Variants in PDE2A observed in about 807,000 individuals in gnomAD.
PDE2A encodes phosphodiesterase 2A.
In PDE2A, 53 loss-of-function variants were observed where a neutral mutation model predicts 133.6. The observed-to-expected ratio is 0.40, with a 90% CI of 0.32 to 0.50. PDE2A has a LOEUF of 0.50. PDE2A is among the 20% of genes least tolerant of loss of function. The pLI is 0.73. For synonymous variants in PDE2A, 491 were observed against 490.2 expected (o/e 1.00, Z -0.02); for missense variants, 796 against 1,232.4 (o/e 0.65, Z 5.30).
chr11:72,642,415 C>A (rs1858997786), intron 1 of PDE2A, 89 bp from the exon 2 acceptor site: 9 of 1,262,760 alleles, frequency 7.1e-6, no homozygotes, highest in Non-Finnish European at 9.1e-6. Flanking sequence ...CCGGCCGCTG[C>A]GCTCGGTCAG....
At chr11:72,585,664 C>A (rs1855935851) in intron 14 of PDE2A, 71 bp from the exon 15 acceptor site, 1 of 1,346,260 alleles carries the variant, frequency 7.4e-7, no homozygotes, top group Non-Finnish European at 1.0e-6. Context: ...CTCCTGCCTC[C>A]AACAGCACCC....
In PDE2A at chr11:72,596,646, G is replaced by A; in HGVS notation, c.436C>T (p.Leu146=). ...VAPLAPDTQV[L]VMPLADKEAG... ...TCCTTGTCCGCTAGCGGCATGACCA[G>A]CACTGAGGGGGAGAGGGCAATGAGG... The change falls in exon 6 of 31, where the codon CTG becomes TTG. Residue 146 remains leucine, a splice_region_variant and synonymous_variant. Transcript: ENST00000334456. 6.7e-7 allele frequency: 1 copy of A among 1,481,548 alleles called. No individual in the cohort carries two copies. Among genetic ancestry groups the A allele is most frequent in the Non-Finnish European group, 9.0e-7 (1 of 1,107,168 alleles). 91.8% of individuals were successfully genotyped at this position (1,481,548 alleles called of 1,614,324 possible). A position where few individuals can be genotyped will look rare whatever the true frequency, so the allele number is the denominator to read the frequency against.
intron 2 of PDE2A, among the ~76,000 whole-genome samples, chr11:72,623,997 CTT>C (rs71062781): frequency 5.7e-5 from 8 of 141,524 alleles, no homozygotes; most frequent in African/African-American, 1.6e-4. Context: ...CAATCTTTTT[CTT>C]TTTTTTTTTT....
intron 4 of PDE2A, chr11:72,598,929 T>C: frequency 2.0e-6 from 2 of 985,340 alleles, no homozygotes; most frequent in South Asian, 4.7e-5. Context: ...GCTGTCCACA[T>C]TGCCAGTCAC....
chr11:72,672,397 T>G (rs1454709259), intron 1 of PDE2A, among the ~76,000 whole-genome samples: 1 of 152,114 alleles, frequency 6.6e-6, no homozygotes, highest in African/African-American at 2.4e-5. Context: ...TGTTGGCCAG[T>G]CTCGTCTCAA....
At chr11:72,651,697 T>C (rs1310586834) in intron 1 of PDE2A, among the ~76,000 whole-genome samples, 2 of 152,224 alleles carry the variant, frequency 1.3e-5, no homozygotes, top group African/African-American at 4.8e-5. Flanking sequence ...AGGATGTTGC[T>C]TGTTGTCCTT....
intron 2 of PDE2A, among the ~76,000 whole-genome samples, chr11:72,616,300 C>T (rs1359017780): frequency 6.6e-6 from 1 of 152,182 alleles, no homozygotes; most frequent in African/African-American, 2.4e-5. Context: ...TCTGACCCTC[C>T]CACCTGGGGC....
intron 2 of PDE2A, chr11:72,621,923 A>T (rs1028690913): frequency 6.6e-6 from 1 of 152,246 alleles, no homozygotes; most frequent in Non-Finnish European, 1.5e-5. Context: ...ATGGGAGAAA[A>T]ATATTTGCAA....
At chr11:72,638,176 G>A (rs1361825470) in intron 2 of PDE2A, among the ~76,000 whole-genome samples, 1 of 152,292 alleles carries the variant, frequency 6.6e-6, no homozygotes, top group Non-Finnish European at 1.5e-5. Context: ...CACCAGCCGC[G>A]CCACCCTGCT....
intron 2 of PDE2A, among the ~76,000 whole-genome samples, chr11:72,632,399 G>A (rs903018658): frequency 6.6e-6 from 1 of 152,278 alleles, no homozygotes; most frequent in South Asian, 2.1e-4. Flanking sequence ...GGGTCTGTGT[G>A]TGGTGTGATG....
intron 1 of PDE2A, among the ~76,000 whole-genome samples, chr11:72,660,348 G>A (rs74716455): frequency 0.053 from 8,057 of 152,200 alleles, 721 homozygotes; most frequent in African/African-American, 0.18. Context: ...AAGGAGGGGC[G>A]GGTCACAGAG....
At chr11:72,646,500 A>G (rs1859130986) in intron 1 of PDE2A, among the ~76,000 whole-genome samples, 1 of 152,124 alleles carries the variant, frequency 6.6e-6, no homozygotes, top group East Asian at 1.9e-4. Flanking sequence ...TAGACTCCAA[A>G]CCCAGTGCTC....
chr11:72,580,097 C>T (rs1008292871), intron 25 of PDE2A, among the ~76,000 whole-genome samples: 5 of 152,032 alleles, frequency 3.3e-5, no homozygotes, highest in African/African-American at 1.2e-4. Flanking sequence ...CAGAGAACCT[C>T]GTCTCTGGGG....
In PDE2A at chr11:72,596,604, C is replaced by A; in HGVS notation, c.478G>T (p.Ala160Ser). Reference sequence around the variant, plus strand: ...AGGCAGGCTCTTACCAAGATGACAGCTGCCACGGCCCCAGCCTCCTTGTCC... The same window carrying A: ...AGGCAGGCTCTTACCAAGATGACAGATGCCACGGCCCCAGCCTCCTTGTCC... ...LADKEAGAVA[A>S]VILVHCGQLS... Residue 160 changes from alanine to serine, a missense_variant, in exon 6 of 31, where the codon GCT (alanine) becomes TCT (serine). Physicochemically the swap from Ala to Ser is moderately conservative, Grantham distance 99 (BLOSUM62 1). This residue lies in a region of PDE2A where 417 missense variants were observed against 475.3 expected (regional missense o/e 0.88). Coordinates refer to ENST00000334456, the MANE Select transcript of PDE2A (RefSeq NM_002599.5). 6.7e-7 allele frequency: 1 copy of A among 1,499,276 alleles called. No individual in the cohort carries two copies. Among genetic ancestry groups the A allele is most frequent in the Non-Finnish European group, 9.0e-7 (1 of 1,115,656 alleles). The allele number at this position is 1,499,276 out of a possible 1,614,324, so 92.9% of individuals were successfully genotyped here.
intron 21 of PDE2A, 21 bp downstream of exon 21, chr11:72,582,422 CA>C (rs1855764818): frequency 1.2e-6 from 2 of 1,611,098 alleles, no homozygotes; most frequent in African/African-American, 2.7e-5. Context: ...CCTGGCCAGT[CA>C]AGTGGAGGAG....
Position 72,589,245 on chromosome 11 carries a change from G to T in PDE2A, c.874-5C>A. ...CTGGCCCAGGCATCCTGTCAACTAG[G>T]GGGTGAGGAGAGACTGAGTCAGGGC... On this transcript the variant is annotated splice_region_variant and splice_polypyrimidine_tract_variant and intron_variant, in intron 11 of 30. Coordinates refer to ENST00000334456, the MANE Select transcript of PDE2A (RefSeq NM_002599.5). 3 of 1,611,978 alleles carry T rather than the reference G, an allele frequency of 1.9e-6. No individual in the cohort carries two copies. The highest frequency in any genetic ancestry group is 1.7e-6 in the Non-Finnish European group (2 of 1,178,418).
chr11:72,605,221 A>T lies in PDE2A; in HGVS notation c.240T>A (p.Thr80=). 3 of 1,604,454 alleles carry T rather than the reference A, an allele frequency of 1.9e-6. No homozygotes were observed. The highest frequency in any genetic ancestry group is 2.6e-6 in the Non-Finnish European group (3 of 1,174,324). ...CACCATCCAGTAGGTAGGTGTAGAC[A>T]GTTTCCTAGGACAGAAGGCACTTAT... ...ALSAVLPRVE[T]VYTYLLDGES... is the part of the protein sequence containing the mutation. Residue 80 remains threonine (T), a synonymous_variant, in exon 4 of 31, where the codon ACT becomes ACA. Coordinates refer to ENST00000334456, the MANE Select transcript of PDE2A (RefSeq NM_002599.5).
At chr11:72,633,812 G>T (rs911472057) in intron 2 of PDE2A, among the ~76,000 whole-genome samples, 1 of 152,172 alleles carries the variant, frequency 6.6e-6, no homozygotes, top group African/African-American at 2.4e-5. Context: ...GCTGAGGAGA[G>T]AAGCCCCCTA....
intron 16 of PDE2A, chr11:72,585,159 G>C: frequency 1.6e-6 from 1 of 638,572 alleles, no homozygotes; most frequent in Non-Finnish European, 2.7e-6. Context: ...CAGGCACTGT[G>C]ATAGGAGCTG....
Sources: gnomAD v4.1 joint callset for allele counts (sites outside exome capture counted in the v4.1 genomes callset) on GRCh38, gnomAD v4.1.1 for gene constraint, gnomAD v4.1.1 regional missense constraint, MANE v1.5 for transcripts, NCBI Gene and HGNC (gene_info 2026-07-23, HGNC 2026-07-21) for gene names.